The following PCDHGB2 variants were observed in gnomAD, a reference collection of about 807,000 sequenced individuals.
The protein encoded by PCDHGB2 is protocadherin gamma subfamily B, 2.
Under a neutral mutation model 59.3 loss-of-function variants are expected in PCDHGB2, and 55 were observed. The ratio of observed to expected loss-of-function variants is 0.93; its 90% CI spans 0.75 to 1.16. PCDHGB2 has a LOEUF of 1.16. Ranked by LOEUF, PCDHGB2 falls within the 50% of genes most tolerant of loss-of-function variation. The pLI is 0.00. For synonymous variants in PCDHGB2, 516 were observed against 512.0 expected, an observed-to-expected ratio of 1.01 and a Z score of -0.11; for missense variants, 1,228 against 1,198.5, an observed-to-expected ratio of 1.02 and a Z score of -0.36.
At chr5:141,421,318 C>A (rs370020854) in intron 1 of PCDHGB2, 1 of 1,613,822 alleles carries the variant, frequency 6.2e-7, no homozygotes. Context: ...CCGGGCCAGG[C>A]AGATCCGATA....
chr5:141,424,434 T>C (rs2096821185), intron 1 of PCDHGB2: 1 of 151,048 alleles, frequency 6.6e-6, no homozygotes, highest in Admixed American at 6.6e-5. Flanking sequence ...GAGGAAATAA[T>C]TGAATTATTG....
At chr5:141,439,190 C>CA (rs200519543) in intron 1 of PCDHGB2, among the ~76,000 whole-genome samples, 17,650 of 111,626 alleles carry the variant, frequency 0.16, 1,295 homozygotes, top group African/African-American at 0.25. Context: ...GAGACTCTGA[C>CA]AAAAAAAAAA....
In PCDHGB2 at chr5:141,387,468, A is replaced by G. The variant is rs190489292; in HGVS notation, c.2421+24912A>G. On this transcript the variant is annotated intron_variant, in intron 1 of 3. Transcript: ENST00000522605. ...TACATGATTTGCCTAAAAATCCTCA[A>G]AGTTGGGATGAAGGCATTCCTAAGA... Among the ~76,000 whole-genome samples the G allele has an allele frequency of 3.6e-3, 554 of 152,350 alleles. 1 individual carries two copies. Among genetic ancestry groups the G allele is most frequent in the Non-Finnish European group, 6.0e-3 (405 of 68,034 alleles).
chr5:141,455,314 T>G (rs565911988), intron 1 of PCDHGB2, among the ~76,000 whole-genome samples: 15 of 152,208 alleles, frequency 9.9e-5, no homozygotes, highest in African/African-American at 3.4e-4. Flanking sequence ...ATTAGCAATT[T>G]TGTGTGTGTG....
chr5:141,396,626 A>G (rs1273835228), intron 1 of PCDHGB2: 1 of 152,182 alleles, frequency 6.6e-6, no homozygotes, highest in African/African-American at 2.4e-5. Flanking sequence ...TCTCAAAAAA[A>G]AAAAAAACTA....
At chr5:141,508,906 G>A (rs2099872897) in intron 3 of PCDHGB2, among the ~76,000 whole-genome samples, 1 of 152,092 alleles carries the variant, frequency 6.6e-6, no homozygotes, top group Non-Finnish European at 1.5e-5. Context: ...CGGGGCGGTG[G>A]CGGATCTGGC....
chr5:141,432,686 G>A lies in PCDHGB2; in HGVS notation c.2422-62121G>A. On this transcript the variant is annotated intron_variant, in intron 1 of 3. Transcript: ENST00000522605. The surrounding 1 kb of genome is among the most constrained non-coding windows in gnomAD (Gnocchi z 6.0). The stretch of plus-strand genomic sequence containing the variant: ...CAGAGACGCGCTCAAGCAGAGCCTC[G>A]TAGTGGCCGTCCAGGACCACGGCCA... 2 of 1,613,922 alleles carry A rather than the reference G, an allele frequency of 1.2e-6. No homozygotes were observed. The highest frequency in any genetic ancestry group is 1.7e-5 in the Admixed American group (1 of 60,020).
rs1762109660 is a variant in PCDHGB2, at chr5:141,361,644, C to T, written c.1509C>T (p.Ser503=). The part of the protein sequence containing the change: ...ASDLKPREIL[S]YVSVSAQSGV... ...ACCTGAAGCCGCGGGAGATTTTATC[C>T]TACGTGTCCGTGAGCGCGCAGAGCG... is the stretch of plus-strand genomic sequence containing the variant. The change falls in exon 1 of 4, where the codon TCC becomes TCT. Residue 503 remains serine, a synonymous_variant. Coordinates refer to ENST00000522605, the MANE Select transcript of PCDHGB2 (RefSeq NM_018923.3). The T allele has an allele frequency of 6.2e-7, 1 of 1,613,846 alleles. No homozygotes were observed. The highest frequency in any genetic ancestry group is 8.5e-7 in the Non-Finnish European group (1 of 1,179,892).
At chr5:141,497,143 GA>G (rs928640875) in intron 2 of PCDHGB2, among the ~76,000 whole-genome samples, 7 of 149,992 alleles carry the variant, frequency 4.7e-5, no homozygotes, top group African/African-American at 9.8e-5. Context: ...CTGAGATCAC[GA>G]AAAAAAAATA....
intron 1 of PCDHGB2, chr5:141,410,094 C>A: frequency 6.2e-7 from 1 of 1,612,646 alleles, no homozygotes; most frequent in South Asian, 1.1e-5. Context: ...ACGGCTCGAG[C>A]CTTAGGCGAC....
Position 141,476,036 on chromosome 5 carries a change from A to T in PCDHGB2, c.2422-18771A>T. ...ATGTCGGACTCGGCGCCCAGCGCCC[A>T]AGCGCTAACCCGCTGAAAGTTTCTC... On this transcript the variant is annotated intron_variant, in intron 1 of 3. Coordinates refer to ENST00000522605, the MANE Select transcript of PCDHGB2 (RefSeq NM_018923.3). This position sits in a 1 kb window ranked among gnomAD's most constrained non-coding sequence, Gnocchi z 7.6. 1.4e-6 allele frequency: 2 copies of T among 1,471,164 alleles called. No individual in the cohort carries two copies. The highest frequency in any genetic ancestry group is 1.8e-6 in the Non-Finnish European group (2 of 1,106,602). 91.1% of individuals were successfully genotyped at this position (1,471,164 alleles called of 1,614,324 possible).
intron 1 of PCDHGB2, chr5:141,414,557 A>C: frequency 6.2e-7 from 1 of 1,613,906 alleles, no homozygotes. Flanking sequence ...CAAGTCTCCT[A>C]CTTTACCTAT....
intron 1 of PCDHGB2, chr5:141,415,641 T>TAA (rs113784532): frequency 8.4e-5 from 108 of 1,280,644 alleles, no homozygotes; most frequent in African/African-American, 8.0e-4. Flanking sequence ...TTACTTTTGT[T>TAA]AAAAAAAAAA....
At chr5:141,399,515 C>G (rs748098945) in intron 1 of PCDHGB2, 1 of 1,614,040 alleles carries the variant, frequency 6.2e-7, no homozygotes, top group Non-Finnish European at 8.5e-7. Context: ...AACAACCCTC[C>G]TGGGGCCTCC....
chr5:141,361,978 G>A lies in PCDHGB2; in HGVS notation c.1843G>A (p.Gly615Arg), dbSNP rs768035104. The change falls in exon 1 of 4, where the codon GGG becomes AGG. Residue 615 changes from glycine to arginine, a missense_variant. By Grantham distance (125) the Gly-to-Arg change is moderately radical. This residue lies in a region of PCDHGB2 where 433 missense variants were observed against 441.8 expected (regional missense o/e 0.98). Transcript: ENST00000522605. ...SYHVLQASEPGLFSLGLRTGE... is the reference protein window; with the variant it reads ...SYHVLQASEPRLFSLGLRTGE... Reference sequence around the variant, plus strand: ...CCACGTGCTGCAGGCCAGCGAGCCCGGGCTCTTCAGCCTGGGGTTGCGCAC... The same window carrying A: ...CCACGTGCTGCAGGCCAGCGAGCCCAGGCTCTTCAGCCTGGGGTTGCGCAC... 6.9e-6 allele frequency: 11 copies of A among 1,600,872 alleles called. No individual in the cohort carries two copies. The highest frequency in any genetic ancestry group is 6.7e-5 in the African/African-American group (5 of 74,644).
chr5:141,496,772 T>C (rs994207358), intron 2 of PCDHGB2, among the ~76,000 whole-genome samples: 9 of 152,008 alleles, frequency 5.9e-5, no homozygotes, highest in African/African-American at 1.2e-4. Flanking sequence ...GCATCTACTA[T>C]GAGCAGGGCC....
intron 1 of PCDHGB2, among the ~76,000 whole-genome samples, chr5:141,467,330 G>T (rs1335387199): frequency 6.6e-6 from 1 of 152,138 alleles, no homozygotes; most frequent in East Asian, 1.9e-4. Context: ...TGGGATTAGA[G>T]ACGTAAGCCA....
At chr5:141,370,820 C>CA in intron 1 of PCDHGB2, 1 of 1,614,062 alleles carries the variant, frequency 6.2e-7, no homozygotes, top group Non-Finnish European at 8.5e-7. Flanking sequence ...AGCTGGAAAT[C>CA]AGCGAACTGG....
chr5:141,418,102 C>T (rs760484009), intron 1 of PCDHGB2: 15 of 1,614,014 alleles, frequency 9.3e-6, no homozygotes, highest in Non-Finnish European at 1.3e-5. Context: ...ACGCGCAGAG[C>T]GGGGACTTAC....
Sources: allele counts gnomAD v4.1 joint callset (sites outside exome capture counted in the v4.1 genomes callset), GRCh38; gene constraint gnomAD v4.1.1; regional missense constraint gnomAD v4.1.1; non-coding constraint Gnocchi (gnomAD v3.1); transcripts MANE v1.5; gene names NCBI Gene and HGNC (gene_info 2026-07-23, HGNC 2026-07-21).